The following ATP9B variants were observed in gnomAD, a reference collection of about 807,000 sequenced individuals.
ATP9B encodes probable phospholipid-transporting ATPase IIB.
In ATP9B, 110 loss-of-function variants were observed where a neutral mutation model predicts 146.1. The ratio of observed to expected loss-of-function variants is 0.75; its 90% CI spans 0.65 to 0.88. ATP9B has a LOEUF of 0.88. Ranked by LOEUF, ATP9B falls within the 40% of genes least tolerant of loss-of-function variation. The pLI is 0.00. For missense variants in ATP9B, 1,499 were observed against 1,496.4 expected (o/e 1.00, Z -0.03); for synonymous variants, 604 against 569.7 (o/e 1.06, Z -0.86).
chr18:79,285,631 A>G (rs1174564236), intron 13 of ATP9B, among the ~76,000 whole-genome samples: 2 of 151,934 alleles, frequency 1.3e-5, no homozygotes, highest in Admixed American at 6.6e-5. Context: ...ATTAGATCCC[A>G]TTTGTCAATT....
At chr18:79,366,504 G>T (rs1430334114) in intron 26 of ATP9B, among the ~76,000 whole-genome samples, 5 of 152,260 alleles carry the variant, frequency 3.3e-5, no homozygotes, top group African/African-American at 1.2e-4. Flanking sequence ...ATGCATGGTA[G>T]CTAATGAGAA....
intron 13 of ATP9B, among the ~76,000 whole-genome samples, chr18:79,287,541 A>G (rs1283628571): frequency 6.6e-6 from 1 of 151,498 alleles, no homozygotes; most frequent in Non-Finnish European, 1.5e-5. Flanking sequence ...CGGTCTATCA[A>G]TTTTGTTGAT....
intron 5 of ATP9B, among the ~76,000 whole-genome samples, chr18:79,126,719 G>T (rs2094293162): frequency 6.6e-6 from 1 of 152,056 alleles, no homozygotes; most frequent in Non-Finnish European, 1.5e-5. Flanking sequence ...ATCTATCTTG[G>T]TATTTTAAAC....
chr18:79,101,950 T>A (rs2075309159), intron 2 of ATP9B, among the ~76,000 whole-genome samples: 1 of 152,140 alleles, frequency 6.6e-6, no homozygotes, highest in African/African-American at 2.4e-5. Context: ...TATTTTATTT[T>A]TTTTCTTTTT....
At chr18:79,083,380 T>C (rs1747884722) in intron 1 of ATP9B, among the ~76,000 whole-genome samples, 1 of 152,148 alleles carries the variant, frequency 6.6e-6, no homozygotes, top group South Asian at 2.1e-4. Flanking sequence ...ATCACTTGGC[T>C]CCCTGGCTTC....
intron 7 of ATP9B, among the ~76,000 whole-genome samples, chr18:79,174,742 A>C (rs1022582493): frequency 6.6e-6 from 1 of 152,162 alleles, no homozygotes; most frequent in Non-Finnish European, 1.5e-5. Context: ...TAAAGGGTTG[A>C]TCATACTCAT....
At chr18:79,108,026 G>A (rs1214967828) in intron 2 of ATP9B, among the ~76,000 whole-genome samples, 1 of 152,156 alleles carries the variant, frequency 6.6e-6, no homozygotes, top group Non-Finnish European at 1.5e-5. Flanking sequence ...GATTTTCCTG[G>A]CACTAGGAGT....
At chr18:79,346,662 G>T (rs534139112) in intron 23 of ATP9B, among the ~76,000 whole-genome samples, 3 of 139,566 alleles carry the variant, frequency 2.1e-5, no homozygotes, top group Non-Finnish European at 4.7e-5. Context: ...CATGTGTTCA[G>T]TGCACAGTCA....
chr18:79,124,013 G>A (rs1490309469), intron 4 of ATP9B, among the ~76,000 whole-genome samples: 1 of 152,226 alleles, frequency 6.6e-6, no homozygotes, highest in African/African-American at 2.4e-5. Flanking sequence ...ACAGTAACAA[G>A]TGTTGGTGAG....
At chr18:79,093,649 C>T (rs2074533591) in intron 1 of ATP9B, among the ~76,000 whole-genome samples, 1 of 151,990 alleles carries the variant, frequency 6.6e-6, no homozygotes, top group Non-Finnish European at 1.5e-5. Flanking sequence ...TTCTGGTATT[C>T]TAATAATGAC....
chr18:79,202,171 G>T (rs2018612217), intron 9 of ATP9B, among the ~76,000 whole-genome samples: 1 of 152,166 alleles, frequency 6.6e-6, no homozygotes, highest in African/African-American at 2.4e-5. Context: ...GCGCTGTGAT[G>T]GTGTCTGCTT....
rs575799435 is a variant in ATP9B at position 79,163,998 on chromosome 18, A to G, written c.778+9443A>G. ...CTGTGGCTTAATCATAGCTCACTGC[A>G]GTCTCGAACTCCTGGGCTCAAGTGA... is the stretch of plus-strand genomic sequence containing the variant. On this transcript the variant is annotated intron_variant, in intron 7 of 29. Transcript: ENST00000426216. Among the ~76,000 whole-genome samples, 7 of 152,122 alleles carry G rather than the reference A, an allele frequency of 4.6e-5. No individual in the cohort carries two copies. The East Asian group carries it at 9.7e-4, about 21-fold the overall frequency.
chr18:79,290,215 A>G (rs1163405847), intron 13 of ATP9B, among the ~76,000 whole-genome samples: 1 of 152,216 alleles, frequency 6.6e-6, no homozygotes, highest in African/African-American at 2.4e-5. Context: ...TCCTGCCCCC[A>G]GAGGTGGAGC....
chr18:79,242,628 A>C (rs577529954), intron 11 of ATP9B, among the ~76,000 whole-genome samples: 3 of 152,350 alleles, frequency 2.0e-5, no homozygotes, highest in Admixed American at 2.0e-4. Context: ...TCTAATTGGT[A>C]CTTTGGAGTA....
At chr18:79,349,638 G>A (rs1200036517) in intron 25 of ATP9B, among the ~76,000 whole-genome samples, 1 of 152,238 alleles carries the variant, frequency 6.6e-6, no homozygotes, top group African/African-American at 2.4e-5. Context: ...ATATCAGTCT[G>A]TGCGTGTGTT....
At chr18:79,112,895 C>T (rs1293699245) in intron 3 of ATP9B, among the ~76,000 whole-genome samples, 1 of 151,984 alleles carries the variant, frequency 6.6e-6, no homozygotes, top group Non-Finnish European at 1.5e-5. Flanking sequence ...TGCTATCTAA[C>T]TTTTTTTCAT....
At chr18:79,366,910 CAG>C (rs1338337102) in intron 26 of ATP9B, among the ~76,000 whole-genome samples, 1 of 152,266 alleles carries the variant, frequency 6.6e-6, no homozygotes, top group Non-Finnish European at 1.5e-5. Context: ...CTGACGGCGT[CAG>C]AGGCTGAGCC....
At chr18:79,294,470 A>T (rs565485989) in intron 13 of ATP9B, among the ~76,000 whole-genome samples, 1 of 152,346 alleles carries the variant, frequency 6.6e-6, no homozygotes, top group South Asian at 2.1e-4. Flanking sequence ...GCCCACAGGC[A>T]CAGGAGAAAC....
intron 1 of ATP9B, among the ~76,000 whole-genome samples, chr18:79,075,035 G>C (rs2072433249): frequency 6.6e-6 from 1 of 151,776 alleles, no homozygotes; most frequent in African/African-American, 2.4e-5. Context: ...AGTTAATGGT[G>C]CTGTTGAGTT....
Sources: gnomAD v4.1 joint callset for allele counts (sites outside exome capture counted in the v4.1 genomes callset) on GRCh38, gnomAD v4.1.1 for gene constraint, MANE v1.5 for transcripts, NCBI Gene and HGNC (gene_info 2026-07-23, HGNC 2026-07-21) for gene names.